TMEM117: variants seen among roughly 807,000 people sequenced by gnomAD.
TMEM117 encodes transmembrane protein 117.
In TMEM117, 27 loss-of-function variants were observed where a neutral mutation model predicts 52.4. The ratio of observed to expected loss-of-function variants is 0.51; its 90% CI spans 0.38 to 0.71. TMEM117 has a LOEUF of 0.71. Ranked by LOEUF, TMEM117 falls within the 30% of genes least tolerant of loss-of-function variation. TMEM117 has a pLI of 0.00. For missense variants in TMEM117, 556 were observed against 630.5 expected (o/e 0.88, Z 1.26); for synonymous variants, 215 against 206.3 (o/e 1.04, Z -0.36).
intron 6 of TMEM117, among the ~76,000 whole-genome samples, chr12:44,305,186 A>G (rs893736015): frequency 6.6e-6 from 1 of 152,194 alleles, no homozygotes; most frequent in Non-Finnish European, 1.5e-5. Flanking sequence ...AGTACTTGCC[A>G]TGGGCCTGGG....
At chr12:43,972,699 TG>T in intron 3 of TMEM117, among the ~76,000 whole-genome samples, 1 of 152,166 alleles carries the variant, frequency 6.6e-6, no homozygotes, top group Non-Finnish European at 1.5e-5. Context: ...GAGCACAGAT[TG>T]GTGGATTTTA....
chr12:43,798,157 T>C, the TMEM117 span, among the ~76,000 whole-genome samples: 4 of 152,104 alleles, frequency 2.6e-5, no homozygotes, highest in Admixed American at 2.0e-4. Context: ...TTTTACTTGA[T>C]AGAATTTATA....
chr12:44,243,317 A>G (rs1339833014), intron 5 of TMEM117, among the ~76,000 whole-genome samples: 1 of 151,908 alleles, frequency 6.6e-6, no homozygotes, highest in African/African-American at 2.4e-5. Flanking sequence ...GTCTTTATAG[A>G]ATATCTAGAA....
At chr12:44,337,856 A>T (rs1201506976) in intron 6 of TMEM117, among the ~76,000 whole-genome samples, 1 of 152,116 alleles carries the variant, frequency 6.6e-6, no homozygotes, top group Non-Finnish European at 1.5e-5. Context: ...TCAAGTGCTG[A>T]TGAAGAAAAA....
chr12:44,217,412 G>A (rs932813987), intron 5 of TMEM117, among the ~76,000 whole-genome samples: 1 of 152,156 alleles, frequency 6.6e-6, no homozygotes, highest in Admixed American at 6.5e-5. Flanking sequence ...CAGATCCAGC[G>A]TGAATTCCCC....
At chr12:43,833,402 T>A (rs1232613288), upstream of TMEM117, among the ~76,000 whole-genome samples, 1 of 152,188 alleles carries the variant, frequency 6.6e-6, no homozygotes, top group Non-Finnish European at 1.5e-5. Context: ...TGAAATACAA[T>A]ATATTTTTCA....
chr12:44,153,713 A>C (rs978116648), intron 4 of TMEM117, among the ~76,000 whole-genome samples: 8 of 152,062 alleles, frequency 5.3e-5, no homozygotes, highest in Non-Finnish European at 1.2e-4. Flanking sequence ...GCTATTCTTT[A>C]GCAGTTGTTT....
the TMEM117 span, among the ~76,000 whole-genome samples, chr12:43,809,285 A>G: frequency 6.6e-6 from 1 of 152,236 alleles, no homozygotes; most frequent in South Asian, 2.1e-4. Flanking sequence ...TGAGGTAATT[A>G]TAAAGAGCTG....
At chr12:44,277,365 G>A (rs539974129) in intron 5 of TMEM117, among the ~76,000 whole-genome samples, 1 of 152,000 alleles carries the variant, frequency 6.6e-6, no homozygotes, top group South Asian at 2.1e-4. Flanking sequence ...TTCTAAAGCT[G>A]TATTAGTTTT....
chr12:43,932,952 A>T (rs1270551196), intron 2 of TMEM117, among the ~76,000 whole-genome samples: 1 of 152,132 alleles, frequency 6.6e-6, no homozygotes, highest in Non-Finnish European at 1.5e-5. Flanking sequence ...CAATACTGTA[A>T]ATGTGGATGA....
At chr12:44,184,225 A>G (rs556102172) in intron 4 of TMEM117, among the ~76,000 whole-genome samples, 2 of 152,274 alleles carry the variant, frequency 1.3e-5, no homozygotes, top group African/African-American at 4.8e-5. Context: ...AGGTGCCTGT[A>G]ATCCCAGCTA....
At chr12:43,892,279 C>A (rs972850266) in intron 2 of TMEM117, among the ~76,000 whole-genome samples, 1 of 152,182 alleles carries the variant, frequency 6.6e-6, no homozygotes, top group African/African-American at 2.4e-5. Flanking sequence ...TTAATTCCCT[C>A]AGCAAGGGAT....
intron 2 of TMEM117, among the ~76,000 whole-genome samples, chr12:43,904,337 G>A (rs1203092158): frequency 6.6e-6 from 1 of 152,124 alleles, no homozygotes; most frequent in Admixed American, 6.5e-5. Flanking sequence ...TGGTACCACT[G>A]CACTCCAGCC....
intron 3 of TMEM117, among the ~76,000 whole-genome samples, chr12:43,966,534 G>A (rs1010179947): frequency 1.3e-5 from 2 of 152,126 alleles, no homozygotes; most frequent in Non-Finnish European, 2.9e-5. Flanking sequence ...GAGATAAGGA[G>A]GGAAGGAGAA....
chr12:43,850,321 G>A (rs868600903), intron 2 of TMEM117, among the ~76,000 whole-genome samples: 2 of 152,316 alleles, frequency 1.3e-5, no homozygotes, highest in Middle Eastern at 3.4e-3. Flanking sequence ...TTAAGATGGA[G>A]TTACTTTGAC....
At chr12:43,826,204 G>C in the TMEM117 span, among the ~76,000 whole-genome samples, 3 of 152,230 alleles carry the variant, frequency 2.0e-5, no homozygotes, top group African/African-American at 4.8e-5. Context: ...TGCTCAGTGA[G>C]TCTACCTTGG....
At chr12:43,974,605 A>G (rs1052665557) in intron 3 of TMEM117, among the ~76,000 whole-genome samples, 2 of 151,998 alleles carry the variant, frequency 1.3e-5, no homozygotes, top group African/African-American at 4.8e-5. Flanking sequence ...ATTTCTCTTT[A>G]TCCTCTTGTC....
intron 2 of TMEM117, among the ~76,000 whole-genome samples, chr12:43,932,899 A>AG (rs1270672237): frequency 6.6e-6 from 1 of 152,198 alleles, no homozygotes; most frequent in Non-Finnish European, 1.5e-5. Flanking sequence ...TCAGGATAAA[A>AG]GGGAGAGTCA....
At chr12:44,392,669 C>A (rs1297586299), downstream of TMEM117, among the ~76,000 whole-genome samples, 1 of 139,076 alleles carries the variant, frequency 7.2e-6, no homozygotes, top group African/African-American at 2.6e-5. Context: ...GCTATCCCTC[C>A]CCCCTCCCCC....
Sources: allele counts gnomAD v4.1 joint callset (sites outside exome capture counted in the v4.1 genomes callset), GRCh38; gene constraint gnomAD v4.1.1; transcripts MANE v1.5; gene names NCBI Gene and HGNC (gene_info 2026-07-23, HGNC 2026-07-21).